GRHL2: variants seen among roughly 807,000 people sequenced by gnomAD.
GRHL2 encodes the protein grainyhead-like protein 2 homolog.
A neutral mutation model predicts 83.8 loss-of-function variants in GRHL2; 21 were observed. The ratio of observed to expected loss-of-function variants is 0.25; its 90% confidence interval spans 0.18 to 0.36. GRHL2 has a LOEUF of 0.36. GRHL2 is among the 10% of genes least tolerant of loss of function. The pLI, the probability that GRHL2 is intolerant of heterozygous loss-of-function variation, is 1.00. For missense variants in GRHL2, 623 were observed against 781.8 expected (o/e 0.80, Z 2.42); for synonymous variants, 280 against 278.9 (o/e 1.00, Z -0.04).
intron 8 of GRHL2, among the ~76,000 whole-genome samples, chr8:101,612,644 A>T (rs1441446153): frequency 2.0e-5 from 3 of 151,108 alleles, no homozygotes; most frequent in Non-Finnish European, 4.4e-5. Flanking sequence ...CAGAGCAGTT[A>T]ACTCCACTAT....
chr8:101,565,266 C>T (rs747370732), intron 4 of GRHL2, among the ~76,000 whole-genome samples: 1 of 151,686 alleles, frequency 6.6e-6, no homozygotes, highest in African/African-American at 2.4e-5. Context: ...TTTTAAGAAA[C>T]ATTTAAAAAT....
At chr8:101,550,246 G>A (rs1586085113) in intron 2 of GRHL2, among the ~76,000 whole-genome samples, 1 of 151,334 alleles carries the variant, frequency 6.6e-6, no homozygotes, top group African/African-American at 2.4e-5. Context: ...GTGCAGGCTT[G>A]TTACATGGAT....
chr8:101,656,617 C>T (rs78744361), intron 14 of GRHL2, among the ~76,000 whole-genome samples: 2,184 of 152,286 alleles, frequency 0.014, 56 homozygotes, highest in African/African-American at 0.05. Context: ...TGGTGTTGAT[C>T]CCATGTAGTC....
At position 101,558,996 on chromosome 8, in the gene GRHL2, G is replaced by T. The variant is rs892248261; in HGVS notation, c.678+184G>T. ...CTAAACAGGTATTAATAAACCTGTCGATGTGTATGTGTATGGAGGAATATT... is the reference window on the plus strand; with the variant it reads ...CTAAACAGGTATTAATAAACCTGTCTATGTGTATGTGTATGGAGGAATATT... On this transcript the variant is annotated intron_variant, in intron 4 of 15. Coordinates refer to ENST00000646743, the MANE Select transcript of GRHL2 (RefSeq NM_024915.4). Among the ~76,000 whole-genome samples, 5 of 152,044 alleles carry T rather than the reference G, an allele frequency of 3.3e-5. No homozygotes were observed. In the East Asian group the frequency reaches 9.6e-4, roughly 29 times the overall value.
intron 9 of GRHL2, among the ~76,000 whole-genome samples, chr8:101,624,481 C>G (rs1445700300): frequency 1.3e-5 from 2 of 150,536 alleles, no homozygotes; most frequent in Non-Finnish European, 3.0e-5. Context: ...CACAGTAGAA[C>G]AGTGTAGGAC....
chr8:101,591,879 A>G (rs1812290819), intron 7 of GRHL2, among the ~76,000 whole-genome samples: 1 of 152,164 alleles, frequency 6.6e-6, no homozygotes, highest in Admixed American at 6.5e-5. Context: ...TCCAAAGGAT[A>G]GAGTGTTTCA....
At chr8:101,590,178 C>G (rs1469841413) in intron 7 of GRHL2, among the ~76,000 whole-genome samples, 1 of 152,140 alleles carries the variant, frequency 6.6e-6, no homozygotes, top group Admixed American at 6.5e-5. Context: ...AAAATCAGCT[C>G]TAGTGTTAAC....
intron 12 of GRHL2, among the ~76,000 whole-genome samples, chr8:101,643,428 A>G (rs1813444058): frequency 6.6e-6 from 1 of 151,346 alleles, no homozygotes; most frequent in African/African-American, 2.4e-5. Context: ...CCGGGAGACT[A>G]AGGAAGGACA....
intron 8 of GRHL2, among the ~76,000 whole-genome samples, chr8:101,618,096 T>C (rs778614157): frequency 4.6e-5 from 7 of 152,126 alleles, no homozygotes; most frequent in Non-Finnish European, 7.3e-5. Context: ...TGTGCCTGGA[T>C]CTCCCCAGAA....
In GRHL2 at chr8:101,581,786, G is replaced by T. The variant is rs532634641; in HGVS notation, c.1003+4267G>T. Among the ~76,000 whole-genome samples, 6 of 152,288 alleles carry T rather than the reference G, an allele frequency of 3.9e-5. No individual in the cohort carries two copies. In the South Asian group the frequency reaches 1.2e-3, roughly 32 times the overall value. On this transcript the variant is annotated intron_variant, in intron 7 of 15. Transcript: ENST00000646743. ...TAGGGGCAAGAAGATGACTAGCTAA[G>T]ATATCACGTGGTAAGTGGCAGCATA... is the stretch of plus-strand genomic sequence containing the variant.
intron 8 of GRHL2, among the ~76,000 whole-genome samples, chr8:101,611,984 C>T (rs1812759245): frequency 6.6e-6 from 1 of 150,730 alleles, no homozygotes; most frequent in Non-Finnish European, 1.5e-5. Flanking sequence ...CTCTCTTCTT[C>T]TTCTTTCTCT....
chr8:101,655,183 TAAAA>T (rs34917135), intron 14 of GRHL2, among the ~76,000 whole-genome samples: 1 of 144,060 alleles, frequency 6.9e-6, no homozygotes, highest in African/African-American at 2.5e-5. Context: ...ACTCCAATCC[TAAAA>T]AAAAAAAAAA....
chr8:101,666,169 T>C (rs1412391613), intron 15 of GRHL2, among the ~76,000 whole-genome samples: 3 of 152,230 alleles, frequency 2.0e-5, no homozygotes, highest in African/African-American at 7.2e-5. Flanking sequence ...CTTGCTTGTT[T>C]TCCTCTTCCT....
chr8:101,512,599 C>T (rs1029991018), intron 1 of GRHL2, among the ~76,000 whole-genome samples: 1 of 152,184 alleles, frequency 6.6e-6, no homozygotes, highest in South Asian at 2.1e-4. Flanking sequence ...CTCAGCCACC[C>T]GAGTAGCTGG....
downstream of GRHL2, among the ~76,000 whole-genome samples, chr8:101,670,511 C>T (rs1308033221): frequency 3.9e-5 from 6 of 152,316 alleles, no homozygotes; most frequent in Non-Finnish European, 7.4e-5. Context: ...ATGGAGGAAG[C>T]GCTCATTGCA....
Position 101,558,740 on chromosome 8 carries a change from C to T in GRHL2, c.606C>T (p.Ala202=). The part of the protein sequence containing the change: ...YDVPSLATHS[A]YLKDDQRSTP... ...TGCCCTCGCTGGCCACCCACAGCGC[C>T]TATCTCAAAGACGACCAGCGCAGCA... Residue 202 remains alanine (A), a synonymous_variant, in exon 4 of 16, where the codon GCC becomes GCT. Coordinates refer to ENST00000646743, the MANE Select transcript of GRHL2 (RefSeq NM_024915.4). 6.2e-6 allele frequency: 10 copies of T among 1,614,144 alleles called. No homozygotes were observed. The highest frequency in any genetic ancestry group is 7.6e-6 in the Non-Finnish European group (9 of 1,180,026).
At chr8:101,502,249 T>G (rs1311436688) in intron 1 of GRHL2, among the ~76,000 whole-genome samples, 1 of 152,256 alleles carries the variant, frequency 6.6e-6, no homozygotes, top group Admixed American at 6.5e-5. Context: ...AATAATTACC[T>G]GCTCCTATAT....
At chr8:101,517,191 A>G (rs1435935613) in intron 1 of GRHL2, among the ~76,000 whole-genome samples, 3 of 152,178 alleles carry the variant, frequency 2.0e-5, no homozygotes, top group Non-Finnish European at 4.4e-5. Context: ...AGCCATGTCA[A>G]TAACTCACAG....
chr8:101,662,930 A>AT lies in GRHL2; in HGVS notation c.1699-1520dup, dbSNP rs35429422. Among the ~76,000 whole-genome samples, 573 of 151,790 alleles carry AT rather than the reference A, an allele frequency of 3.8e-3. 9 individuals carry two copies. The East Asian group carries it at 0.057, about 15-fold the overall frequency. ...CATAAACACAGTTTTGCAACTTGGT[A>AT]TTTTCTCCTCAATATGTTAAGAATA... On this transcript the variant is annotated intron_variant, in intron 14 of 15. Coordinates refer to ENST00000646743, the MANE Select transcript of GRHL2 (RefSeq NM_024915.4).
Sources: gnomAD v4.1 joint callset for allele counts (sites outside exome capture counted in the v4.1 genomes callset) on GRCh38, gnomAD v4.1.1 for gene constraint, MANE v1.5 for transcripts, NCBI Gene and HGNC (gene_info 2026-07-23, HGNC 2026-07-21) for gene names.